Variants in SDK1 observed in about 807,000 individuals in gnomAD.
The protein encoded by SDK1 is sidekick cell adhesion molecule 1, also known as protein sidekick-1.
Under a neutral mutation model 245.5 loss-of-function variants are expected in SDK1, and 157 were observed. The ratio of observed to expected loss-of-function variants is 0.64; its 90% CI spans 0.56 to 0.73. The LOEUF is 0.73. Ranked by LOEUF, SDK1 falls within the 30% of genes least tolerant of loss-of-function variation. The pLI is 0.00. For synonymous variants in SDK1, 1,647 were observed against 1,278.5 expected (o/e 1.29, Z -6.15); for missense variants, 3,583 against 3,002.3 (o/e 1.19, Z -4.52).
chr7:3,499,488 C>G (rs1397047974), intron 1 of SDK1, among the ~76,000 whole-genome samples: 2 of 152,192 alleles, frequency 1.3e-5, no homozygotes, highest in African/African-American at 2.4e-5. Context: ...TTGCCAGTGT[C>G]TTAGAAGCCC....
intron 1 of SDK1, among the ~76,000 whole-genome samples, chr7:3,392,289 T>C (rs1249493783): frequency 1.2e-4 from 19 of 152,292 alleles, no homozygotes; most frequent in Non-Finnish European, 2.9e-5. Context: ...CTTATGAGAC[T>C]TTAAAATACA....
chr7:3,636,437 C>A (rs1782459440), intron 2 of SDK1, among the ~76,000 whole-genome samples: 1 of 152,166 alleles, frequency 6.6e-6, no homozygotes, highest in Admixed American at 6.5e-5. Flanking sequence ...ATTTTACATT[C>A]CTCTTATAAG....
chr7:4,046,258 G>C (rs6945504), intron 17 of SDK1, among the ~76,000 whole-genome samples: 2,121 of 152,166 alleles, frequency 0.014, 57 homozygotes, highest in African/African-American at 0.049. Flanking sequence ...CTGGATAAAC[G>C]TTCTTTATTG....
intron 17 of SDK1, among the ~76,000 whole-genome samples, chr7:4,018,200 T>C (rs80164235): frequency 2.0e-5 from 3 of 152,360 alleles, no homozygotes; most frequent in Non-Finnish European, 4.4e-5. Context: ...CTCGCCTGAT[T>C]CACAGGTGTG....
intron 17 of SDK1, among the ~76,000 whole-genome samples, chr7:4,029,039 C>G (rs1787578800): frequency 6.7e-6 from 1 of 148,730 alleles, no homozygotes; most frequent in Non-Finnish European, 1.5e-5. Context: ...CACATTCTAC[C>G]AACCCCGTTT....
At chr7:3,591,143 C>T (rs1411862555) in intron 1 of SDK1, among the ~76,000 whole-genome samples, 3 of 152,194 alleles carry the variant, frequency 2.0e-5, no homozygotes, top group African/African-American at 7.2e-5. Flanking sequence ...TTGTGATACT[C>T]TGATGAAGGC....
chr7:3,915,405 T>A (rs552848718), intron 5 of SDK1, among the ~76,000 whole-genome samples: 54 of 152,168 alleles, frequency 3.5e-4, no homozygotes, highest in African/African-American at 1.2e-3. Context: ...CGTGGGGAGG[T>A]AATTGAATCA....
At chr7:3,455,431 G>A (rs1780639118) in intron 1 of SDK1, among the ~76,000 whole-genome samples, 1 of 146,480 alleles carries the variant, frequency 6.8e-6, no homozygotes. Flanking sequence ...ACATATAAGT[G>A]ACTCATTTCA....
intron 5 of SDK1, among the ~76,000 whole-genome samples, chr7:3,930,180 C>T (rs1406423095): frequency 6.6e-6 from 1 of 152,110 alleles, no homozygotes; most frequent in Non-Finnish European, 1.5e-5. Flanking sequence ...GCCTTTATAA[C>T]CAGCTCCTAG....
chr7:3,366,481 G>T (rs1479472555), intron 1 of SDK1, among the ~76,000 whole-genome samples: 1 of 151,994 alleles, frequency 6.6e-6, no homozygotes, highest in Non-Finnish European at 1.5e-5. Flanking sequence ...ATTAGATCCT[G>T]CAGAATTCCC....
chr7:3,738,411 C>T (rs1231394147), intron 4 of SDK1, among the ~76,000 whole-genome samples: 2 of 152,206 alleles, frequency 1.3e-5, no homozygotes, highest in African/African-American at 2.4e-5. Flanking sequence ...TTGTATGCCT[C>T]TCTCTGTGCC....
chr7:4,040,848 C>A (rs1788576675), intron 17 of SDK1, among the ~76,000 whole-genome samples: 1 of 152,176 alleles, frequency 6.6e-6, no homozygotes, highest in Non-Finnish European at 1.5e-5. Context: ...ATGGAGCCTC[C>A]ATGTTGAATG....
At chr7:3,957,757 G>T (rs1216241046) in intron 7 of SDK1, among the ~76,000 whole-genome samples, 1 of 152,208 alleles carries the variant, frequency 6.6e-6, no homozygotes, top group Non-Finnish European at 1.5e-5. Flanking sequence ...GTTGTGCAAT[G>T]AAGATGAGCT....
In SDK1 at chr7:3,915,167, G is replaced by A. The variant is rs73674339; in HGVS notation, c.848-35756G>A. 5.6e-3 allele frequency among the ~76,000 whole-genome samples: 849 copies of A among 152,320 alleles called. 9 individuals are homozygous for A. The highest frequency in any genetic ancestry group is 0.019 in the African/African-American group (789 of 41,562). ...GGTCTACATGCAAATGACGTGGTAG[G>A]AGCAGGGGTAGGATGAGCCAGAGAA... On this transcript the variant is annotated intron_variant, in intron 5 of 44. Transcript: ENST00000404826.
At chr7:4,158,382 C>T (rs1780902549) in intron 30 of SDK1, 66 bp from the exon 31 acceptor site, 1 of 1,339,482 alleles carries the variant, frequency 7.5e-7, no homozygotes, top group Non-Finnish European at 1.1e-6. Context: ...AGGGCTTCAC[C>T]AGGAATGCCT....
At chr7:3,443,561 T>A (rs568471585) in intron 1 of SDK1, among the ~76,000 whole-genome samples, 2 of 152,338 alleles carry the variant, frequency 1.3e-5, no homozygotes, top group East Asian at 3.9e-4. Context: ...TGATGACTAG[T>A]TACAAAATCC....
intron 5 of SDK1, among the ~76,000 whole-genome samples, chr7:3,915,073 C>G (rs537218255): frequency 1.3e-5 from 2 of 152,124 alleles, no homozygotes; most frequent in African/African-American, 4.8e-5. Context: ...CTTGTACGGC[C>G]GTGGAATCTG....
At chr7:3,992,360 G>A (rs1330018333) in intron 14 of SDK1, among the ~76,000 whole-genome samples, 2 of 152,208 alleles carry the variant, frequency 1.3e-5, no homozygotes, top group African/African-American at 2.4e-5. Context: ...GAAGTTTGAT[G>A]GTTCTCCTGT....
intron 19 of SDK1, among the ~76,000 whole-genome samples, chr7:4,063,029 C>T (rs1336114448): frequency 2.0e-5 from 3 of 152,178 alleles, no homozygotes; most frequent in African/African-American, 7.2e-5. Flanking sequence ...GAAATCCTTT[C>T]CTCTGATAAC....
Sources: allele counts gnomAD v4.1 joint callset (sites outside exome capture counted in the v4.1 genomes callset), GRCh38; gene constraint gnomAD v4.1.1; transcripts MANE v1.5; gene names NCBI Gene and HGNC (gene_info 2026-07-23, HGNC 2026-07-21).